The following KCTD16 variants were observed in gnomAD, a reference collection of about 807,000 sequenced individuals.
The protein encoded by KCTD16 is BTB/POZ domain-containing protein KCTD16.
In KCTD16, 13 loss-of-function variants were observed where a neutral mutation model predicts 33.2. The ratio of observed to expected loss-of-function variants is 0.39; its 90% confidence interval spans 0.25 to 0.62. The LOEUF (loss-of-function observed/expected upper bound fraction) is 0.62. Among genes scored for constraint, KCTD16 ranks in the 20% least tolerant of loss-of-function variants. The pLI is 0.50. For synonymous variants in KCTD16, 197 were observed against 195.3 expected (o/e 1.01, Z -0.07); for missense variants, 441 against 525.1 (o/e 0.84, Z 1.57).
At chr5:144,328,311 G>T (rs1752262532) in intron 3 of KCTD16, among the ~76,000 whole-genome samples, 1 of 152,068 alleles carries the variant, frequency 6.6e-6, no homozygotes, top group Non-Finnish European at 1.5e-5. Context: ...TGCATATGTG[G>T]TTGTGAATTC....
chr5:144,281,644 G>GA (rs1490393435), intron 3 of KCTD16, among the ~76,000 whole-genome samples: 1 of 151,738 alleles, frequency 6.6e-6, no homozygotes, highest in Non-Finnish European at 1.5e-5. Context: ...ATGTGTACTT[G>GA]AAAAAAAATT....
chr5:144,330,411 CAAAAA>C (rs10577099), intron 3 of KCTD16, among the ~76,000 whole-genome samples: 15,315 of 87,320 alleles, frequency 0.18, 862 homozygotes, highest in East Asian at 0.3. Context: ...GAAACTCCAT[CAAAAA>C]AAAAAAAAAA....
intron 3 of KCTD16, among the ~76,000 whole-genome samples, chr5:144,219,606 C>T (rs772490546): frequency 1.3e-5 from 2 of 149,646 alleles, no homozygotes; most frequent in East Asian, 4.0e-4. Context: ...CTGCAACCTC[C>T]GCCTCTCGGA....
At chr5:144,221,972 G>A (rs548271481) in intron 3 of KCTD16, among the ~76,000 whole-genome samples, 1 of 152,336 alleles carries the variant, frequency 6.6e-6, no homozygotes, top group African/African-American at 2.4e-5. Context: ...ACTGGCGTGA[G>A]ATGGTATCTC....
intron 3 of KCTD16, among the ~76,000 whole-genome samples, chr5:144,430,819 C>T (rs1306712120): frequency 6.6e-6 from 1 of 152,116 alleles, no homozygotes; most frequent in Non-Finnish European, 1.5e-5. Context: ...GAAGGTCTCT[C>T]AATTTTCACT....
intron 3 of KCTD16, chr5:144,377,820 C>A (rs1259802758): frequency 6.6e-6 from 1 of 152,148 alleles, no homozygotes. Context: ...TCCATCCCTC[C>A]ACATCTGGTA....
intron 3 of KCTD16, among the ~76,000 whole-genome samples, chr5:144,287,027 T>C (rs934913073): frequency 1.3e-5 from 2 of 152,292 alleles, no homozygotes; most frequent in African/African-American, 4.8e-5. Flanking sequence ...GAATTAAACA[T>C]GTAAGCATTT....
At chr5:144,457,268 G>C (rs1055945462) in intron 3 of KCTD16, among the ~76,000 whole-genome samples, 2 of 152,358 alleles carry the variant, frequency 1.3e-5, no homozygotes, top group South Asian at 2.1e-4. Context: ...TGATAAGATG[G>C]TCAGGAGCTC....
intron 2 of KCTD16, among the ~76,000 whole-genome samples, chr5:144,182,960 GTTAAGTTGC>G (rs1200998849): frequency 6.6e-6 from 1 of 151,790 alleles, no homozygotes; most frequent in Non-Finnish European, 1.5e-5. Flanking sequence ...TGATGGATAT[GTTAAGTTGC>G]TTACTTGTAA....
intron 3 of KCTD16, among the ~76,000 whole-genome samples, chr5:144,305,739 A>T (rs1751588224): frequency 6.6e-6 from 1 of 152,204 alleles, no homozygotes; most frequent in South Asian, 2.1e-4. Context: ...ACTTGAACCC[A>T]GGAGGCGCAG....
rs143480471 is a variant in KCTD16 at position 144,178,181 on chromosome 5, G to A, written c.-327+3709G>A. Among the ~76,000 whole-genome samples the A allele has an allele frequency of 2.0e-5, 3 of 152,244 alleles. No individual in the cohort carries two copies. The East Asian group carries it at 5.8e-4, about 29-fold the overall frequency. ...CCATTATGTTTATAAATGAGTAAAA[G>A]CCTGCTAAAGGAAACTCTTAATGTC... On this transcript the variant is annotated intron_variant, in intron 2 of 3. Transcript: ENST00000512467.
intron 3 of KCTD16, among the ~76,000 whole-genome samples, chr5:144,327,103 C>G (rs991984890): frequency 6.6e-6 from 1 of 152,128 alleles, no homozygotes; most frequent in African/African-American, 2.4e-5. Context: ...GCAATGTTGG[C>G]AACGGTGAAG....
intron 3 of KCTD16, among the ~76,000 whole-genome samples, chr5:144,267,841 G>A (rs1755188517): frequency 6.6e-6 from 1 of 152,056 alleles, no homozygotes. Flanking sequence ...AGCACCATTT[G>A]CAAAATAAAC....
rs1336969067 is a variant in KCTD16, at chr5:144,462,136, A to G, written c.833-11524A>G. Among the ~76,000 whole-genome samples, 8 of 151,988 alleles carry G rather than the reference A, an allele frequency of 5.3e-5. No individual in the cohort carries two copies. In the East Asian group the frequency reaches 1.6e-3, roughly 29 times the overall value. On this transcript the variant is annotated intron_variant, in intron 3 of 3. Coordinates refer to ENST00000512467, the MANE Select transcript of KCTD16 (RefSeq NM_020768.4). ...CCTTTATCTTTTCTCTTCCATTGCTAACTCCTTCTTTGCTTCCTTTACTGT... is the reference window on the plus strand; with the variant it reads ...CCTTTATCTTTTCTCTTCCATTGCTGACTCCTTCTTTGCTTCCTTTACTGT...
intron 3 of KCTD16, among the ~76,000 whole-genome samples, chr5:144,273,305 A>C (rs1755351964): frequency 6.6e-6 from 1 of 152,196 alleles, no homozygotes; most frequent in Non-Finnish European, 1.5e-5. Flanking sequence ...ACTATCAAAA[A>C]TAAAACAAAT....
chr5:144,423,789 AG>A (rs1753262429), intron 3 of KCTD16, among the ~76,000 whole-genome samples: 2 of 152,150 alleles, frequency 1.3e-5, no homozygotes, highest in South Asian at 4.1e-4. Context: ...AGGAGGTAAG[AG>A]AAAAAAAGTA....
At chr5:144,380,000 A>T (rs1752175430) in intron 3 of KCTD16, among the ~76,000 whole-genome samples, 1 of 152,092 alleles carries the variant, frequency 6.6e-6, no homozygotes, top group African/African-American at 2.4e-5. Flanking sequence ...TGCTGGTTTT[A>T]TACATATATG....
chr5:144,469,976 A>G (rs1463275525), intron 3 of KCTD16, among the ~76,000 whole-genome samples: 1 of 151,192 alleles, frequency 6.6e-6, no homozygotes, highest in East Asian at 1.9e-4. Context: ...TTTAATATCA[A>G]TAAATCAGAC....
intron 3 of KCTD16, among the ~76,000 whole-genome samples, chr5:144,418,505 G>T (rs1753135628): frequency 6.6e-6 from 1 of 152,118 alleles, no homozygotes; most frequent in Non-Finnish European, 1.5e-5. Flanking sequence ...CAATCCTTTA[G>T]CTAGACAGAA....
Sources: allele counts gnomAD v4.1 joint callset (sites outside exome capture counted in the v4.1 genomes callset), GRCh38; gene constraint gnomAD v4.1.1; transcripts MANE v1.5; gene names NCBI Gene and HGNC (gene_info 2026-07-23, HGNC 2026-07-21).